OSBPL3: variants seen among roughly 807,000 people sequenced by gnomAD.
The protein encoded by OSBPL3 is oxysterol binding protein like 3, also known as oxysterol-binding protein-related protein 3.
OSBPL3 carries 65 observed loss-of-function variants against 120.1 expected under a neutral mutation model. The observed-to-expected ratio is 0.54, with a 90% confidence interval of 0.44 to 0.67. The LOEUF (loss-of-function observed/expected upper bound fraction) is 0.67, where lower values mean the gene tolerates loss of function less well. Among genes scored for constraint, OSBPL3 ranks in the 30% least tolerant of loss-of-function variants. OSBPL3 has a pLI of 0.00. For synonymous variants in OSBPL3, 416 were observed against 402.6 expected (o/e 1.03, Z -0.40); for missense variants, 1,004 against 1,082.1 (o/e 0.93, Z 1.01).
At position 24,865,379 on chromosome 7, in the gene OSBPL3, C is replaced by T; in HGVS notation, c.636G>A (p.Trp212Ter). ...TTTCCATGTCCTCTGAAGACTGTAA[C>T]CATAATGGAACTCGTGTCTCACCAC... ...SCGGETRVPLWLQSSEDMEKC... is the reference protein window; with the variant it reads ...SCGGETRVPL The change falls in exon 7 of 23, where the codon TGG becomes TGA. Residue 212 changes from tryptophan (W) to a stop codon, truncating the protein, a stop_gained. Transcript: ENST00000313367. LOFTEE classifies it high-confidence loss of function. The T allele has an allele frequency of 6.2e-7, 1 of 1,613,832 alleles. No individual in the cohort carries two copies. The highest frequency in any genetic ancestry group is 8.5e-7 in the Non-Finnish European group (1 of 1,179,746).
intron 2 of OSBPL3, among the ~76,000 whole-genome samples, chr7:24,889,751 G>A (rs909391381): frequency 5.9e-5 from 9 of 152,226 alleles, no homozygotes. Flanking sequence ...AAAAGGCTGG[G>A]ACCTGAGCCA....
chr7:24,890,122 A>T (rs924210302), intron 2 of OSBPL3, among the ~76,000 whole-genome samples: 12 of 152,206 alleles, frequency 7.9e-5, no homozygotes, highest in Admixed American at 4.6e-4. Flanking sequence ...ACTAAGAAAA[A>T]TGACCAATAA....
chr7:24,945,240 C>T (rs1201142739), intron 1 of OSBPL3, among the ~76,000 whole-genome samples: 2 of 152,154 alleles, frequency 1.3e-5, no homozygotes, highest in Non-Finnish European at 2.9e-5. Context: ...TAAACATCTC[C>T]ATTTAATTCA....
intron 1 of OSBPL3, among the ~76,000 whole-genome samples, chr7:24,895,389 G>A (rs1435625021): frequency 6.6e-6 from 1 of 152,200 alleles, no homozygotes; most frequent in East Asian, 1.9e-4. Context: ...GCAGTAGGCT[G>A]TACCACATAG....
In OSBPL3 at chr7:24,898,025, C is replaced by T. The variant is rs570273685; in HGVS notation, c.-149-5404G>A. Among the ~76,000 whole-genome samples the T allele has an allele frequency of 3.9e-4, 59 of 152,268 alleles. No homozygotes were observed. The highest frequency in any genetic ancestry group is 1.4e-3 in the African/African-American group (59 of 41,556). On this transcript the variant is annotated intron_variant, in intron 1 of 22. Coordinates refer to ENST00000313367, the MANE Select transcript of OSBPL3 (RefSeq NM_015550.4). The surrounding 1 kb of genome is among the most constrained non-coding windows in gnomAD (Gnocchi z 4.3). Reference sequence around the variant, plus strand: ...ATAAAGAAATTATGTCCTGAATTAACGTTAGAAATTTTTTAAGTGGGATAT... The same window carrying T: ...ATAAAGAAATTATGTCCTGAATTAATGTTAGAAATTTTTTAAGTGGGATAT...
At position 24,871,550 on chromosome 7, in the gene OSBPL3, G is replaced by C. The variant is rs559374805; in HGVS notation, c.267+192C>G. On this transcript the variant is annotated intron_variant, in intron 4 of 22. Transcript: ENST00000313367. The surrounding 1 kb of genome is among the most constrained non-coding windows in gnomAD (Gnocchi z 4.8). ...TTTTGCATGCCCAGAGAGTGTTGCG[G>C]GAGCCCCTGCACCTTGACCTGGTGG... Among the ~76,000 whole-genome samples the C allele has an allele frequency of 6.6e-6, 1 of 152,212 alleles. No individual in the cohort carries two copies. Among genetic ancestry groups the C allele is most frequent in the Non-Finnish European group, 1.5e-5 (1 of 68,018 alleles).
In OSBPL3 at chr7:24,891,771, G is replaced by A. The variant is rs992737961; in HGVS notation, c.96+606C>T. On this transcript the variant is annotated intron_variant, in intron 2 of 22. Coordinates refer to ENST00000313367, the MANE Select transcript of OSBPL3 (RefSeq NM_015550.4). The surrounding 1 kb of genome is among the most constrained non-coding windows in gnomAD (Gnocchi z 4.1). ...GTTAATTATTCATTCCTTTGTTTCA[G>A]TTCTTTCTTCCTCCTACTTAATTTC... 6.6e-6 allele frequency among the ~76,000 whole-genome samples: 1 copy of A among 152,136 alleles called. No homozygotes were observed. Among genetic ancestry groups the A allele is most frequent in the South Asian group, 2.1e-4 (1 of 4,820 alleles).
Position 24,946,295 on chromosome 7 carries a change from A to T in OSBPL3, c.-150+33591T>A, listed in dbSNP as rs1322863494. ...AAGCAGAAATTGCACAGCCTTTTACAACCTAGACTACTAAGTTGTCACATA... is the reference window on the plus strand; with the variant it reads ...AAGCAGAAATTGCACAGCCTTTTACTACCTAGACTACTAAGTTGTCACATA... On this transcript the variant is annotated intron_variant, in intron 1 of 22. Transcript: ENST00000313367. The surrounding 1 kb of genome is among the most constrained non-coding windows in gnomAD (Gnocchi z 4.3). Among the ~76,000 whole-genome samples the T allele has an allele frequency of 6.6e-6, 1 of 152,186 alleles. No homozygotes were observed. Among genetic ancestry groups the T allele is most frequent in the Non-Finnish European group, 1.5e-5 (1 of 68,034 alleles).
chr7:24,923,951 A>G (rs931843332), intron 1 of OSBPL3, among the ~76,000 whole-genome samples: 1 of 152,208 alleles, frequency 6.6e-6, no homozygotes, highest in African/African-American at 2.4e-5. Flanking sequence ...TCAACACCTA[A>G]TGAGAAGCAG....
At position 24,959,192 on chromosome 7, in the gene OSBPL3, G is replaced by A. The variant is rs115227123; in HGVS notation, c.-150+20694C>T. On this transcript the variant is annotated intron_variant, in intron 1 of 22. Coordinates refer to ENST00000313367, the MANE Select transcript of OSBPL3 (RefSeq NM_015550.4). The surrounding 1 kb of genome is among the most constrained non-coding windows in gnomAD (Gnocchi z 4.3). ...GGGAATCAACTGAAGCTAAACATAT[G>A]TTAACTCTGTGACCCAGCAATTCTA... 1.1e-3 allele frequency among the ~76,000 whole-genome samples: 166 copies of A among 152,202 alleles called. 4 individuals are homozygous for A. Among genetic ancestry groups the A allele is most frequent in the African/African-American group, 3.2e-3 (132 of 41,552 alleles).
intron 1 of OSBPL3, among the ~76,000 whole-genome samples, chr7:24,925,081 T>G (rs1810877703): frequency 6.6e-6 from 1 of 152,184 alleles, no homozygotes; most frequent in Non-Finnish European, 1.5e-5. Flanking sequence ...TTACTAAAGA[T>G]TTCTAAATGA....
chr7:24,838,685 G>A (rs1797317303), intron 14 of OSBPL3, among the ~76,000 whole-genome samples: 1 of 152,052 alleles, frequency 6.6e-6, no homozygotes, highest in Non-Finnish European at 1.5e-5. Context: ...GCTTCCTATG[G>A]CTCCCTCTCC....
chr7:24,920,011 T>G (rs892968491), intron 1 of OSBPL3, among the ~76,000 whole-genome samples: 1 of 151,910 alleles, frequency 6.6e-6, no homozygotes, highest in Non-Finnish European at 1.5e-5. Flanking sequence ...CAATAACAAG[T>G]GTTATCAAGG....
chr7:24,926,182 T>TTATAAGATGGACTC (rs1401076937), intron 1 of OSBPL3, among the ~76,000 whole-genome samples: 2 of 152,182 alleles, frequency 1.3e-5, no homozygotes, highest in Non-Finnish European at 2.9e-5. Flanking sequence ...GAAGTAGTGT[T>TTATAAGATGGACTC]TATAAGATGG....
At chr7:24,977,851 G>C (rs1468952674) in intron 1 of OSBPL3, among the ~76,000 whole-genome samples, 1 of 152,148 alleles carries the variant, frequency 6.6e-6, no homozygotes, top group Non-Finnish European at 1.5e-5. Flanking sequence ...GTGAGACTAC[G>C]TCTCAAAAAA....
At position 24,802,026 on chromosome 7, in the gene OSBPL3, T is replaced by C. The variant is rs1792426429; in HGVS notation, c.2568-1747A>G. Reference sequence around the variant, plus strand: ...ATTAGCATGGCTGGGTCAAAGAGTATGTGCATTTGTGATTCTGACTGATAT... The same window carrying C: ...ATTAGCATGGCTGGGTCAAAGAGTACGTGCATTTGTGATTCTGACTGATAT... On this transcript the variant is annotated intron_variant, in intron 22 of 22. Coordinates refer to ENST00000313367, the MANE Select transcript of OSBPL3 (RefSeq NM_015550.4). This position sits in a 1 kb window ranked among gnomAD's most constrained non-coding sequence, Gnocchi z 4.1. 1.3e-5 allele frequency among the ~76,000 whole-genome samples: 2 copies of C among 152,226 alleles called. No homozygotes were observed. Among genetic ancestry groups the C allele is most frequent in the African/African-American group, 4.8e-5 (2 of 41,458 alleles).
Position 24,821,768 on chromosome 7 carries a change from A to G in OSBPL3, c.1885-1530T>C, listed in dbSNP as rs529308078. ...TCTTAGTTCCCATGTGCCTCCTAAGAACGTGAGCCCTTCTGTGCCTGTGGG... is the reference window on the plus strand; with the variant it reads ...TCTTAGTTCCCATGTGCCTCCTAAGGACGTGAGCCCTTCTGTGCCTGTGGG... On this transcript the variant is annotated intron_variant, in intron 16 of 22. Transcript: ENST00000313367. This position sits in a 1 kb window ranked among gnomAD's most constrained non-coding sequence, Gnocchi z 5.5. Among the ~76,000 whole-genome samples the G allele has an allele frequency of 5.3e-5, 8 of 152,332 alleles. 1 individual carries two copies. In the South Asian group the frequency reaches 6.2e-4, roughly 12 times the overall value.
At chr7:24,928,270 C>T (rs543275659) in intron 1 of OSBPL3, among the ~76,000 whole-genome samples, 1 of 150,538 alleles carries the variant, frequency 6.6e-6, no homozygotes, top group South Asian at 2.1e-4. Flanking sequence ...CAGCTCACTG[C>T]AAACTCCGCC....
At chr7:24,810,792 G>C (rs749425667) in intron 19 of OSBPL3, among the ~76,000 whole-genome samples, 1 of 152,172 alleles carries the variant, frequency 6.6e-6, no homozygotes, top group Non-Finnish European at 1.5e-5. Flanking sequence ...TGTAGCATCT[G>C]TCTGTGTCTG....
Sources: allele counts gnomAD v4.1 joint callset (sites outside exome capture counted in the v4.1 genomes callset), GRCh38; gene constraint gnomAD v4.1.1; non-coding constraint Gnocchi (gnomAD v3.1); transcripts MANE v1.5; gene names NCBI Gene and HGNC (gene_info 2026-07-23, HGNC 2026-07-21).